FGF13: variants seen among roughly 807,000 people sequenced by gnomAD.
FGF13 encodes the protein fibroblast growth factor homologous factor 2.
Under a neutral mutation model 19.5 loss-of-function variants are expected in FGF13, and 2 were observed. That is an observed-to-expected ratio of 0.10 (90% CI 0.04 to 0.32). The LOEUF is 0.32. Ranked by LOEUF, FGF13 falls within the 10% of genes least tolerant of loss-of-function variation. The pLI, the probability that FGF13 is intolerant of heterozygous loss-of-function variation, is 1.00. For missense variants in FGF13, 113 were observed against 192.7 expected, an observed-to-expected ratio of 0.59 and a Z score of 2.45; for synonymous variants, 72 against 76.9, an observed-to-expected ratio of 0.94 and a Z score of 0.33.
At chrX:138,708,049 AT>A in intron 2 of FGF13, among the ~76,000 whole-genome samples, 1 of 112,520 alleles carries the variant, frequency 8.9e-6, no homozygotes, top group East Asian at 2.8e-4. Context: ...CTTGTGGAAC[AT>A]TTAGTAAGTC....
intron 1 of FGF13, among the ~76,000 whole-genome samples, chrX:138,884,629 G>T (rs1043440198): frequency 1.8e-5 from 2 of 111,944 alleles, no homozygotes; most frequent in African/African-American, 6.5e-5. Context: ...TTGGCTCCTG[G>T]TTGGCTATTA....
At chrX:138,765,009 C>A (rs1231916542) in intron 3 of FGF13, among the ~76,000 whole-genome samples, 1 of 111,780 alleles carries the variant, frequency 8.9e-6, no homozygotes, top group Non-Finnish European at 1.9e-5. Context: ...TGCTAAGCCT[C>A]TGAATGGCAA....
chrX:138,714,892 TACG>T (rs1235624940), upstream of FGF13: 18 of 111,955 alleles, frequency 1.6e-4, no homozygotes, highest in African/African-American at 5.8e-4. Context: ...GGGCCAATAG[TACG>T]ACATTTGTGT....
chrX:138,821,865 T>C (rs1284978093), intron 3 of FGF13, among the ~76,000 whole-genome samples: 1 of 111,746 alleles, frequency 8.9e-6, no homozygotes, highest in Non-Finnish European at 1.9e-5. Context: ...TCAAGCCTTT[T>C]AAAAAGAAAA....
In FGF13 at chrX:138,632,725, C is replaced by A; in HGVS notation, c.*125G>T. The A allele has an allele frequency of 1.3e-6, 1 of 748,737 alleles. No individual in the cohort carries two copies. Among genetic ancestry groups the A allele is most frequent in the Non-Finnish European group, 1.9e-6 (1 of 518,109 alleles). The allele number at this position is 748,737 out of a possible 1,213,427, so 61.7% of individuals were successfully genotyped here. ...GTCTAATGGCAGATAGAATAGTGAA[C>A]TCTGCCTGTTTGTTTGGTAAATGTC... On this transcript the variant is annotated 3_prime_UTR_variant, in exon 5 of 5. Coordinates refer to ENST00000315930, the MANE Select transcript of FGF13 (RefSeq NM_004114.5).
intron 3 of FGF13, among the ~76,000 whole-genome samples, chrX:138,670,314 A>G (rs867593114): frequency 4.5e-5 from 5 of 112,081 alleles, no homozygotes; most frequent in Non-Finnish European, 9.4e-5. Flanking sequence ...TACGTATAGA[A>G]CAAAATAATG....
At chrX:138,809,782 A>G (rs1018876667) in intron 3 of FGF13, among the ~76,000 whole-genome samples, 14 of 111,770 alleles carry the variant, frequency 1.3e-4, no homozygotes, top group Non-Finnish European at 2.4e-4. Context: ...AATCACAAGT[A>G]TTCTTATACA....
At chrX:138,972,255 A>ATTT (rs34661318) in intron 1 of FGF13, among the ~76,000 whole-genome samples, 3,949 of 96,965 alleles carry the variant, frequency 0.041, 101 homozygotes, top group Non-Finnish European at 0.064. Context: ...TGGTAGTTCT[A>ATTT]TTTTTTTTTT....
chrX:138,812,700 T>A (rs1322629625), intron 3 of FGF13, among the ~76,000 whole-genome samples: 10 of 112,026 alleles, frequency 8.9e-5, no homozygotes, highest in Non-Finnish European at 1.9e-4. Context: ...ATTTTCTTTT[T>A]AAAAATTTTT....
rs770593681 is a variant in FGF13 at position 138,620,895 on chromosome X, A to T, written c.*11955T>A. On this transcript the variant is annotated 3_prime_UTR_variant, in exon 5 of 5. Transcript: ENST00000315930. ...ACTGTAACAAGAGACAAAGAATGCCATTATATAAAAATAAATGAGTCAATT... is the reference window on the plus strand; with the variant it reads ...ACTGTAACAAGAGACAAAGAATGCCTTTATATAAAAATAAATGAGTCAATT... 1.8e-5 allele frequency: 2 copies of T among 112,333 alleles called. No individual in the cohort carries two copies. The highest frequency in any genetic ancestry group is 1.9e-4 in the Admixed American group (2 of 10,569). The allele number at this position is 112,333 out of a possible 1,213,427, so 9.3% of individuals were successfully genotyped here. A position where few individuals can be genotyped will look rare whatever the true frequency, so the allele number is the denominator to read the frequency against.
At chrX:139,105,775 C>T (rs774964159) in intron 1 of FGF13, among the ~76,000 whole-genome samples, 2 of 112,179 alleles carry the variant, frequency 1.8e-5, no homozygotes, top group East Asian at 5.6e-4. Context: ...CACTACAATA[C>T]TTTAGAATGC....
chrX:139,060,340 G>A (rs1485320075), intron 1 of FGF13, among the ~76,000 whole-genome samples: 1 of 111,114 alleles, frequency 9.0e-6, no homozygotes, highest in Non-Finnish European at 1.9e-5. Context: ...TATAGTGAAT[G>A]GGAGTTTTCC....
chrX:138,655,307 C>A (rs2124139204), intron 3 of FGF13, among the ~76,000 whole-genome samples: 1 of 111,646 alleles, frequency 9.0e-6, no homozygotes, highest in Non-Finnish European at 1.9e-5. Context: ...TAACGATAAG[C>A]TCAGATAAGG....
chrX:138,817,797 T>A (rs185378121), intron 3 of FGF13, among the ~76,000 whole-genome samples: 4 of 112,360 alleles, frequency 3.6e-5, no homozygotes, highest in Non-Finnish European at 7.5e-5. Context: ...TACATGTTTA[T>A]CTACAACAAG....
intron 1 of FGF13, among the ~76,000 whole-genome samples, chrX:138,997,655 C>G (rs1442066329): frequency 9.0e-6 from 1 of 111,658 alleles, no homozygotes; most frequent in Non-Finnish European, 1.9e-5. Flanking sequence ...AAGAAATAAA[C>G]AAAGCCTCCA....
chrX:139,075,081 C>T (rs762345758), intron 1 of FGF13, among the ~76,000 whole-genome samples: 1 of 112,042 alleles, frequency 8.9e-6, no homozygotes, highest in Non-Finnish European at 1.9e-5. Context: ...AGTTCAATAG[C>T]TATTTGGTGA....
intron 1 of FGF13, among the ~76,000 whole-genome samples, chrX:139,032,665 C>T (rs1427335591): frequency 1.8e-5 from 2 of 110,876 alleles, no homozygotes; most frequent in African/African-American, 6.5e-5. Context: ...AAGGCATCAA[C>T]CAAGTCACTG....
intron 3 of FGF13, among the ~76,000 whole-genome samples, chrX:138,692,875 C>T (rs759404453): frequency 1.8e-5 from 2 of 111,072 alleles, no homozygotes; most frequent in East Asian, 5.7e-4. Context: ...ATGAAACACT[C>T]TGTTAAATAT....
At chrX:139,152,313 T>C (rs57848759) in intron 1 of FGF13, among the ~76,000 whole-genome samples, 9,465 of 101,811 alleles carry the variant, frequency 0.093, 998 homozygotes, top group African/African-American at 0.29. Flanking sequence ...TGTGATTAAG[T>C]TAAAAAAAAA....
Sources: gnomAD v4.1 joint callset for allele counts (sites outside exome capture counted in the v4.1 genomes callset) on GRCh38, gnomAD v4.1.1 for gene constraint, MANE v1.5 for transcripts, NCBI Gene and HGNC (gene_info 2026-07-23, HGNC 2026-07-21) for gene names.